Variants in SHISA6 observed in about 807,000 individuals in gnomAD.
SHISA6 encodes the protein shisa family member 6.
SHISA6 carries 22 observed loss-of-function variants against 47.9 expected under a neutral mutation model. The ratio of observed to expected loss-of-function variants is 0.46; its 90% CI spans 0.33 to 0.66. SHISA6 has a LOEUF of 0.66. Ranked by LOEUF, SHISA6 falls within the 30% of genes least tolerant of loss-of-function variation. The probability of loss-of-function intolerance (pLI) is 0.02; values close to 1 mark genes in which losing one functional copy is unlikely to be tolerated. For missense variants in SHISA6, 680 were observed against 764.6 expected (o/e 0.89, Z 1.30); for synonymous variants, 388 against 337.8 (o/e 1.15, Z -1.63).
intron 2 of SHISA6, among the ~76,000 whole-genome samples, chr17:11,317,335 A>G (rs1910557440): frequency 1.3e-5 from 2 of 152,058 alleles, no homozygotes; most frequent in African/African-American, 4.8e-5. Flanking sequence ...GTTTTTACCA[A>G]AATGCAGTAT....
intron 2 of SHISA6, among the ~76,000 whole-genome samples, chr17:11,349,242 C>T (rs563672596): frequency 6.6e-5 from 10 of 152,314 alleles, no homozygotes; most frequent in African/African-American, 2.2e-4. Context: ...CATGGATCCA[C>T]AACAAAAGAG....
In SHISA6 at chr17:11,442,442, A is replaced by T. The variant is rs186577975; in HGVS notation, c.895+62933A>T. Among the ~76,000 whole-genome samples the T allele has an allele frequency of 1.8e-3, 280 of 152,254 alleles. 3 individuals are homozygous for T. The highest frequency in any genetic ancestry group is 6.4e-3 in the African/African-American group (268 of 41,556). On this transcript the variant is annotated intron_variant, in intron 3 of 5. Coordinates refer to ENST00000441885, the MANE Select transcript of SHISA6 (RefSeq NM_207386.4). ...CTGCTTCTGAGAGACCGGCAGAGAA[A>T]GCACTGTGCTATGAAAAGCAGGTCT...
intron 2 of SHISA6, among the ~76,000 whole-genome samples, chr17:11,320,036 G>A (rs1910658355): frequency 6.6e-6 from 1 of 152,104 alleles, no homozygotes; most frequent in African/African-American, 2.4e-5. Flanking sequence ...TTTCCTTTTT[G>A]TGTCCCTAGG....
intron 2 of SHISA6, among the ~76,000 whole-genome samples, chr17:11,282,326 G>A (rs954107640): frequency 2.6e-5 from 4 of 152,052 alleles, no homozygotes; most frequent in Non-Finnish European, 5.9e-5. Context: ...CAACAAGATC[G>A]AAAGTTCTTT....
At chr17:11,465,947 G>A (rs17772980) in intron 3 of SHISA6, among the ~76,000 whole-genome samples, 40,454 of 152,012 alleles carry the variant, frequency 0.27, 5,565 homozygotes, top group Middle Eastern at 0.37. Context: ...TAGCAGCAAC[G>A]TTCCCTCTAC....
intron 3 of SHISA6, among the ~76,000 whole-genome samples, chr17:11,521,975 T>C (rs1432007564): frequency 6.6e-6 from 1 of 151,888 alleles, no homozygotes; most frequent in African/African-American, 2.4e-5. Flanking sequence ...TTTATTATTA[T>C]TATTTTTTGA....
intron 5 of SHISA6, 104 bp downstream of exon 5, chr17:11,555,996 C>G: frequency 7.5e-7 from 1 of 1,330,326 alleles, no homozygotes; most frequent in Non-Finnish European, 9.8e-7. Context: ...CTGTCAAATC[C>G]CAAGAATAAA....
At chr17:11,330,020 A>C (rs920315947) in intron 2 of SHISA6, among the ~76,000 whole-genome samples, 1 of 151,834 alleles carries the variant, frequency 6.6e-6, no homozygotes, top group Admixed American at 6.6e-5. Context: ...TTTCCATGTG[A>C]GTAGAATAAG....
chr17:11,402,603 T>C (rs1315367551), intron 3 of SHISA6, among the ~76,000 whole-genome samples: 1 of 152,204 alleles, frequency 6.6e-6, no homozygotes, highest in African/African-American at 2.4e-5. Flanking sequence ...ATGAGGATTA[T>C]AGAAAATGGC....
At chr17:11,376,529 T>G (rs529495705) in intron 2 of SHISA6, among the ~76,000 whole-genome samples, 37 of 152,182 alleles carry the variant, frequency 2.4e-4, no homozygotes, top group African/African-American at 8.7e-4. Flanking sequence ...TTTTGCCATG[T>G]TAGCCAGGAT....
At chr17:11,482,943 A>C (rs1285779408) in intron 3 of SHISA6, among the ~76,000 whole-genome samples, 1 of 152,240 alleles carries the variant, frequency 6.6e-6, no homozygotes, top group East Asian at 1.9e-4. Flanking sequence ...AGGAAAAAAC[A>C]AAACAAAACA....
At chr17:11,409,876 C>T (rs910107100) in intron 3 of SHISA6, among the ~76,000 whole-genome samples, 11 of 152,152 alleles carry the variant, frequency 7.2e-5, no homozygotes, top group Non-Finnish European at 1.3e-4. Context: ...CCTGGTGAGA[C>T]CATTGGTATG....
chr17:11,506,144 T>C (rs1301528546), intron 3 of SHISA6, among the ~76,000 whole-genome samples: 1 of 152,128 alleles, frequency 6.6e-6, no homozygotes, highest in East Asian at 1.9e-4. Context: ...CTGATGAAAA[T>C]TCATTCTCTG....
chr17:11,449,340 G>A (rs186138679), intron 3 of SHISA6, among the ~76,000 whole-genome samples: 3 of 152,288 alleles, frequency 2.0e-5, no homozygotes, highest in East Asian at 3.9e-4. Context: ...CTACTCAGGA[G>A]GCTAAGGCAG....
At chr17:11,310,917 G>A (rs1910308422) in intron 2 of SHISA6, among the ~76,000 whole-genome samples, 1 of 151,974 alleles carries the variant, frequency 6.6e-6, no homozygotes. Context: ...GACCATCCTG[G>A]CTAACGTGGT....
chr17:11,300,742 A>T (rs920290930), intron 2 of SHISA6, among the ~76,000 whole-genome samples: 1 of 151,658 alleles, frequency 6.6e-6, no homozygotes, highest in Admixed American at 6.6e-5. Context: ...GCTCTAGGAA[A>T]AACAGGCTTC....
chr17:11,497,689 G>A (rs906194154), intron 3 of SHISA6, among the ~76,000 whole-genome samples: 2 of 152,108 alleles, frequency 1.3e-5, no homozygotes, highest in South Asian at 4.1e-4. Flanking sequence ...TCCATACATG[G>A]GTTAAGCTTC....
chr17:11,544,326 C>G (rs1041568038), intron 3 of SHISA6, among the ~76,000 whole-genome samples: 1 of 151,992 alleles, frequency 6.6e-6, no homozygotes, highest in Non-Finnish European at 1.5e-5. Flanking sequence ...TAATAATGGA[C>G]TAATATCTAG....
intron 3 of SHISA6, among the ~76,000 whole-genome samples, chr17:11,403,987 C>T (rs565463628): frequency 1.2e-4 from 19 of 152,266 alleles, no homozygotes; most frequent in African/African-American, 4.1e-4. Flanking sequence ...ACCCCAAGCA[C>T]ATGAAGCTCT....
Sources: gnomAD v4.1 joint callset for allele counts (sites outside exome capture counted in the v4.1 genomes callset) on GRCh38, gnomAD v4.1.1 for gene constraint, MANE v1.5 for transcripts, NCBI Gene and HGNC (gene_info 2026-07-23, HGNC 2026-07-21) for gene names.